Variants in PTPRN2 observed in about 807,000 individuals in gnomAD.
PTPRN2 encodes receptor-type tyrosine-protein phosphatase N2.
PTPRN2 carries 74 observed loss-of-function variants against 118.8 expected under a neutral mutation model. That is an observed-to-expected ratio of 0.62 (90% confidence interval 0.52 to 0.76). The LOEUF (loss-of-function observed/expected upper bound fraction) is 0.76. PTPRN2 is among the 30% of genes least tolerant of loss of function. The pLI is 0.00. For synonymous variants in PTPRN2, 641 were observed against 608.0 expected, an observed-to-expected ratio of 1.05 and a Z score of -0.80; for missense variants, 1,481 against 1,394.4, an observed-to-expected ratio of 1.06 and a Z score of -0.99.
In PTPRN2 at chr7:157,615,912, C is replaced by T. The variant is rs936516661; in HGVS notation, c.2344+5450G>A. On this transcript the variant is annotated intron_variant, in intron 15 of 22. Transcript: ENST00000389418. The surrounding 1 kb of genome is among the most constrained non-coding windows in gnomAD (Gnocchi z 4.3). ...TGGGTTCGGCCTCAGAATCAGCCGGCGCTGAGATGTGCACCTGGCAGGATG... is the reference window on the plus strand; with the variant it reads ...TGGGTTCGGCCTCAGAATCAGCCGGTGCTGAGATGTGCACCTGGCAGGATG... The T allele has an allele frequency of 1.2e-4, 38 of 312,560 alleles. No homozygotes were observed. Among genetic ancestry groups the T allele is most frequent in the Non-Finnish European group, 2.1e-4 (33 of 159,332 alleles). 19.4% of individuals were successfully genotyped at this position (312,560 alleles called of 1,614,324 possible). A position where few individuals can be genotyped will look rare whatever the true frequency, so the allele number is the denominator to read the frequency against.
rs1415143870 is a variant in PTPRN2 at position 158,441,940 on chromosome 7, G to A, written c.163+47795C>T. On this transcript the variant is annotated intron_variant, in intron 2 of 22. Transcript: ENST00000389418. Reference sequence around the variant, plus strand: ...TGGTGATAGTGATGGTCATGGCAGTGGTGGTGGTGATAGTGATAGTGATGG... The same window carrying A: ...TGGTGATAGTGATGGTCATGGCAGTAGTGGTGGTGATAGTGATAGTGATGG... 3.5e-4 allele frequency among the ~76,000 whole-genome samples: 12 copies of A among 34,370 alleles called. 3 individuals carry two copies. The highest frequency in any genetic ancestry group is 1.1e-3 in the African/African-American group (9 of 8,406). The allele number at this position is 34,370 out of a possible 152,430, so 22.5% of individuals were successfully genotyped here.
rs528325388 is a variant in PTPRN2, at chr7:158,461,999, G to A, written c.163+27736C>T. Among the ~76,000 whole-genome samples the A allele has an allele frequency of 4.6e-5, 7 of 152,420 alleles. 1 individual carries two copies. Among genetic ancestry groups the A allele is most frequent in the South Asian group, 4.1e-4 (2 of 4,834 alleles). ...GCCGGCGCTTGGGTGAACGCCTCCC[G>A]TCCTTGGATAGAACCGCCTGGGTGC... On this transcript the variant is annotated intron_variant, in intron 2 of 22. Coordinates refer to ENST00000389418, the MANE Select transcript of PTPRN2 (RefSeq NM_002847.5).
chr7:158,061,615 G>A (rs1030242875), intron 11 of PTPRN2, among the ~76,000 whole-genome samples: 5 of 152,232 alleles, frequency 3.3e-5, no homozygotes, highest in African/African-American at 4.8e-5. Flanking sequence ...ACTGGCTGTG[G>A]ACGGAGGAAG....
rs79551071 is a variant in PTPRN2, at chr7:157,845,816, G to A, written c.1788+52857C>T. On this transcript the variant is annotated intron_variant, in intron 12 of 22. Coordinates refer to ENST00000389418, the MANE Select transcript of PTPRN2 (RefSeq NM_002847.5). The surrounding 1 kb of genome is among the most constrained non-coding windows in gnomAD (Gnocchi z 4.5). Reference sequence around the variant, plus strand: ...GAAGGACAAGCAACGTGGGGCCATGGGGAGGGACGGAAGACAGAAGTGGAT... The same window carrying A: ...GAAGGACAAGCAACGTGGGGCCATGAGGAGGGACGGAAGACAGAAGTGGAT... Among the ~76,000 whole-genome samples, 4,873 of 152,262 alleles carry A rather than the reference G, an allele frequency of 0.032. 267 individuals are homozygous for A. The highest frequency in any genetic ancestry group is 0.11 in the African/African-American group (4,551 of 41,526).
intron 11 of PTPRN2, among the ~76,000 whole-genome samples, chr7:157,960,553 A>G (rs941488150): frequency 6.6e-6 from 1 of 152,258 alleles, no homozygotes; most frequent in Non-Finnish European, 1.5e-5. Flanking sequence ...ATGTGCAGTA[A>G]ACATTAGATA....
intron 11 of PTPRN2, among the ~76,000 whole-genome samples, chr7:157,992,103 G>A (rs979026542): frequency 2.6e-5 from 4 of 152,224 alleles, no homozygotes; most frequent in Admixed American, 1.3e-4. Flanking sequence ...CACCCGAGCT[G>A]TCAGGCACTC....
chr7:158,086,479 C>T (rs1299926157), intron 10 of PTPRN2, among the ~76,000 whole-genome samples: 1 of 152,216 alleles, frequency 6.6e-6, no homozygotes, highest in Non-Finnish European at 1.5e-5. Flanking sequence ...CTGCCCACAC[C>T]TCACTCTCAT....
At chr7:158,251,526 A>ACG in intron 3 of PTPRN2, among the ~76,000 whole-genome samples, 2 of 144,856 alleles carry the variant, frequency 1.4e-5, no homozygotes, top group African/African-American at 2.6e-5. Flanking sequence ...TATATGGTGC[A>ACG]TGTGGGGGGT....
In PTPRN2 at chr7:158,205,218, G is replaced by A; in HGVS notation, c.333C>T (p.Asp111=). The A allele has an allele frequency of 6.2e-7, 1 of 1,614,132 alleles. No homozygotes were observed. Among genetic ancestry groups the A allele is most frequent in the South Asian group, 1.1e-5 (1 of 91,084 alleles). The change falls in exon 4 of 23, where the codon GAC becomes GAT. Residue 111 remains aspartate (D), a synonymous_variant. Coordinates refer to ENST00000389418, the MANE Select transcript of PTPRN2 (RefSeq NM_002847.5). ...GACGCCTCAGGTAGGTTTTCGGGAG[G>A]TCTGCAAGTTCCTGGTCCATCACAT... ...TQYVMDQELA[D]LPKTYLRRPE...
At chr7:157,875,966 C>T (rs1261702959) in intron 12 of PTPRN2, among the ~76,000 whole-genome samples, 2 of 151,952 alleles carry the variant, frequency 1.3e-5, no homozygotes, top group Non-Finnish European at 2.9e-5. Flanking sequence ...GGCCAGGCAT[C>T]CCCAGGGCAG....
chr7:158,587,752 C>T lies in PTPRN2; in HGVS notation c.-83G>A, dbSNP rs1246217661. Reference sequence around the variant, plus strand: ...GGCCGAGTCCGGGCCCAGGGAGGCGCGCGCCGCCGGCTCCTCCCGCCGCGC... The same window carrying T: ...GGCCGAGTCCGGGCCCAGGGAGGCGTGCGCCGCCGGCTCCTCCCGCCGCGC... On this transcript the variant is annotated 5_prime_UTR_variant, in exon 1 of 23. Transcript: ENST00000389418. The T allele has an allele frequency of 9.4e-7, 1 of 1,065,882 alleles. No homozygotes were observed. Among genetic ancestry groups the T allele is most frequent in the Non-Finnish European group, 1.1e-6 (1 of 884,406 alleles). 66.0% of individuals were successfully genotyped at this position (1,065,882 alleles called of 1,614,324 possible).
intron 11 of PTPRN2, among the ~76,000 whole-genome samples, chr7:157,912,611 CTG>C (rs1019685046): frequency 1.3e-5 from 2 of 152,166 alleles, no homozygotes; most frequent in African/African-American, 4.8e-5. Flanking sequence ...AGATACAACT[CTG>C]TTTTTTTCCT....
At chr7:157,755,867 C>G (rs1031361838) in intron 12 of PTPRN2, among the ~76,000 whole-genome samples, 2 of 152,204 alleles carry the variant, frequency 1.3e-5, no homozygotes. Flanking sequence ...TGCACACGTA[C>G]CCCCGATTCT....
intron 2 of PTPRN2, among the ~76,000 whole-genome samples, chr7:158,474,004 G>A (rs1048245839): frequency 8.5e-5 from 13 of 152,052 alleles, no homozygotes; most frequent in South Asian, 4.1e-4. Flanking sequence ...TTTCTCCTAC[G>A]TCAGTGACAT....
intron 13 of PTPRN2, among the ~76,000 whole-genome samples, chr7:157,682,268 T>C (rs574694859): frequency 6.6e-6 from 1 of 152,340 alleles, no homozygotes; most frequent in Admixed American, 6.5e-5. Context: ...TAGGCTTCAC[T>C]GGACCGGACA....
At chr7:158,300,623 C>T (rs1329113497) in intron 3 of PTPRN2, among the ~76,000 whole-genome samples, 2 of 152,254 alleles carry the variant, frequency 1.3e-5, no homozygotes, top group Non-Finnish European at 2.9e-5. Context: ...CTCATGTGGC[C>T]CTAAGAGGCC....
chr7:158,416,966 T>C (rs919886575), intron 2 of PTPRN2, among the ~76,000 whole-genome samples: 3 of 152,224 alleles, frequency 2.0e-5, no homozygotes, highest in African/African-American at 7.2e-5. Flanking sequence ...TGCTCACAAC[T>C]ATCACAGCCT....
chr7:158,149,856 T>G (rs1270272632), intron 6 of PTPRN2, among the ~76,000 whole-genome samples: 2 of 148,830 alleles, frequency 1.3e-5, no homozygotes, highest in African/African-American at 2.5e-5. Flanking sequence ...AACAAAAAAA[T>G]TACTGTGGAA....
At chr7:157,685,194 C>T (rs1358556370) in intron 12 of PTPRN2, among the ~76,000 whole-genome samples, 2 of 151,908 alleles carry the variant, frequency 1.3e-5, no homozygotes, top group Non-Finnish European at 2.9e-5. Flanking sequence ...TCCCACCCCT[C>T]ATCCCGGCCG....
Sources: gnomAD v4.1 joint callset for allele counts (sites outside exome capture counted in the v4.1 genomes callset) on GRCh38, gnomAD v4.1.1 for gene constraint, Gnocchi (gnomAD v3.1) non-coding constraint, MANE v1.5 for transcripts, NCBI Gene and HGNC (gene_info 2026-07-23, HGNC 2026-07-21) for gene names.